The following ATRNL1 variants were observed in gnomAD, a reference collection of about 807,000 sequenced individuals.
The protein encoded by ATRNL1 is attractin-like protein 1.
A neutral mutation model predicts 182.7 loss-of-function variants in ATRNL1; 95 were observed. The observed-to-expected ratio is 0.52, with a 90% CI of 0.44 to 0.62. ATRNL1 has a LOEUF of 0.62. Ranked by LOEUF, ATRNL1 falls within the 20% of genes least tolerant of loss-of-function variation. The probability of loss-of-function intolerance (pLI) is 0.00; values close to 1 mark genes in which losing one functional copy is unlikely to be tolerated. For missense variants in ATRNL1, 1,471 were observed against 1,679.5 expected, an observed-to-expected ratio of 0.88 and a Z score of 2.17; for synonymous variants, 576 against 568.3, an observed-to-expected ratio of 1.01 and a Z score of -0.19.
At chr10:115,640,418 C>T (rs1274918710) in intron 26 of ATRNL1, among the ~76,000 whole-genome samples, 1 of 152,192 alleles carries the variant, frequency 6.6e-6, no homozygotes, top group Admixed American at 6.5e-5. Context: ...TCCAGTTTCT[C>T]CACATCCTTG....
rs1265110424 is a variant in ATRNL1 at position 115,093,420 on chromosome 10, C to G, written c.-331C>G. On this transcript the variant is annotated 5_prime_UTR_variant, in exon 1 of 29. Coordinates refer to ENST00000355044, the MANE Select transcript of ATRNL1 (RefSeq NM_207303.4). This position sits in a 1 kb window ranked among gnomAD's most constrained non-coding sequence, Gnocchi z 6.1. ...CGCGCGCGGGGTCCCCTCCTCCTGC[C>G]GGTCAGGTCCCCTCAGGAGCGCCGG... 2.9e-5 allele frequency: 9 copies of G among 307,140 alleles called. No individual in the cohort carries two copies. The East Asian group carries it at 3.7e-4, about 13-fold the overall frequency. 19.0% of individuals were successfully genotyped at this position (307,140 alleles called of 1,614,324 possible). A position where few individuals can be genotyped will look rare whatever the true frequency, so the allele number is the denominator to read the frequency against.
At chr10:115,094,155 C>G (rs1482632759) in intron 1 of ATRNL1, 112 bp downstream of exon 1, 5 of 1,116,408 alleles carry the variant, frequency 4.5e-6, no homozygotes, top group Non-Finnish European at 5.8e-6. Flanking sequence ...GATCCCCCGG[C>G]CGTGAGTGAA....
chr10:115,480,676 G>A (rs1385163831), intron 24 of ATRNL1, among the ~76,000 whole-genome samples: 2 of 150,972 alleles, frequency 1.3e-5, no homozygotes, highest in Non-Finnish European at 3.0e-5. Context: ...GCTATGATAG[G>A]TACAAATGTT....
chr10:115,777,221 A>G (rs1030544233), intron 27 of ATRNL1, among the ~76,000 whole-genome samples: 6 of 152,132 alleles, frequency 3.9e-5, no homozygotes, highest in Non-Finnish European at 8.8e-5. Flanking sequence ...AAATGTTGGG[A>G]AAAACAAAGA....
chr10:115,886,516 A>T (rs1046148881), intron 28 of ATRNL1, among the ~76,000 whole-genome samples: 6 of 152,188 alleles, frequency 3.9e-5, no homozygotes, highest in Non-Finnish European at 8.8e-5. Context: ...CTGTCTCAAA[A>T]ACAAAAACAA....
chr10:115,294,026 A>C (rs926764433), intron 15 of ATRNL1, among the ~76,000 whole-genome samples: 18 of 152,198 alleles, frequency 1.2e-4, no homozygotes, highest in African/African-American at 4.3e-4. Context: ...GAAGTTTTCA[A>C]GTGATTTATT....
intron 27 of ATRNL1, among the ~76,000 whole-genome samples, chr10:115,765,656 T>A (rs1338635270): frequency 3.3e-5 from 5 of 152,230 alleles, no homozygotes; most frequent in Non-Finnish European, 7.3e-5. Context: ...GTCTAGTTTA[T>A]CAATAATTTC....
At chr10:115,855,529 T>C (rs1951159716) in intron 28 of ATRNL1, among the ~76,000 whole-genome samples, 1 of 152,218 alleles carries the variant, frequency 6.6e-6, no homozygotes, top group African/African-American at 2.4e-5. Flanking sequence ...AAGTTTCTGG[T>C]ACTTAATAGT....
At chr10:115,407,112 A>G (rs1844868938) in intron 20 of ATRNL1, among the ~76,000 whole-genome samples, 1 of 151,950 alleles carries the variant, frequency 6.6e-6, no homozygotes, top group African/African-American at 2.4e-5. Context: ...ATTGGATTTT[A>G]TTTTTAAATT....
At chr10:115,351,742 G>GTTTTTTGTTTTGTTT (rs1554941414) in intron 19 of ATRNL1, among the ~76,000 whole-genome samples, 2 of 149,742 alleles carry the variant, frequency 1.3e-5, no homozygotes, top group South Asian at 4.2e-4. Flanking sequence ...TTCTTTTCTT[G>GTTTTTTGTTTTGTTT]TGTTTTGTTT....
At chr10:115,187,436 T>G (rs539422555) in intron 8 of ATRNL1, among the ~76,000 whole-genome samples, 2 of 152,188 alleles carry the variant, frequency 1.3e-5, no homozygotes, top group African/African-American at 4.8e-5. Flanking sequence ...TTACAAGACA[T>G]GACAGCTGGT....
chr10:115,912,233 A>C (rs2134527840), intron 28 of ATRNL1, among the ~76,000 whole-genome samples: 1 of 152,336 alleles, frequency 6.6e-6, no homozygotes, highest in Admixed American at 6.5e-5. Context: ...AAAAGCTCAC[A>C]GAAATCAATT....
At chr10:115,826,504 C>T (rs1216607345) in intron 27 of ATRNL1, among the ~76,000 whole-genome samples, 2 of 152,108 alleles carry the variant, frequency 1.3e-5, no homozygotes, top group African/African-American at 4.8e-5. Context: ...GTATGGGAAA[C>T]AATGTTACAG....
intron 16 of ATRNL1, among the ~76,000 whole-genome samples, chr10:115,300,967 G>T (rs1283565228): frequency 6.6e-6 from 1 of 151,932 alleles, no homozygotes; most frequent in Admixed American, 6.6e-5. Flanking sequence ...ACTACTTCAG[G>T]TACCTCATAT....
intron 27 of ATRNL1, among the ~76,000 whole-genome samples, chr10:115,797,061 AC>A (rs1270683108): frequency 6.6e-6 from 1 of 152,228 alleles, no homozygotes; most frequent in Non-Finnish European, 1.5e-5. Context: ...CTGAAGCATT[AC>A]ATAGGAATAA....
chr10:115,468,765 A>C (rs1304144032), intron 23 of ATRNL1, among the ~76,000 whole-genome samples: 2 of 150,774 alleles, frequency 1.3e-5, no homozygotes, highest in African/African-American at 4.8e-5. Flanking sequence ...GTGGCATTGT[A>C]AACAGAATGA....
chr10:115,666,347 G>A (rs1041772794), intron 26 of ATRNL1, among the ~76,000 whole-genome samples: 2 of 152,036 alleles, frequency 1.3e-5, no homozygotes, highest in African/African-American at 2.4e-5. Flanking sequence ...TTGCTTTTAT[G>A]TGTTTGTTTA....
At chr10:115,741,020 T>C (rs1948124985) in intron 27 of ATRNL1, among the ~76,000 whole-genome samples, 1 of 152,174 alleles carries the variant, frequency 6.6e-6, no homozygotes, top group Admixed American at 6.5e-5. Flanking sequence ...AAACTGGAAA[T>C]TCTACCTTAA....
intron 19 of ATRNL1, among the ~76,000 whole-genome samples, chr10:115,378,787 C>T (rs781997626): frequency 4.6e-5 from 7 of 152,142 alleles, no homozygotes; most frequent in Non-Finnish European, 8.8e-5. Flanking sequence ...AGAATTCTTA[C>T]TATATTTGAA....
Sources: gnomAD v4.1 joint callset for allele counts (sites outside exome capture counted in the v4.1 genomes callset) on GRCh38, gnomAD v4.1.1 for gene constraint, Gnocchi (gnomAD v3.1) non-coding constraint, MANE v1.5 for transcripts, NCBI Gene and HGNC (gene_info 2026-07-23, HGNC 2026-07-21) for gene names.